The following TAOK1 variants were observed in gnomAD, a reference collection of about 807,000 sequenced individuals.
TAOK1 encodes the protein TAO kinase 1.
A neutral mutation model predicts 138.3 loss-of-function variants in TAOK1; 21 were observed. The observed-to-expected ratio is 0.15, with a 90% CI of 0.11 to 0.22. The LOEUF (loss-of-function observed/expected upper bound fraction) is 0.22. Ranked by LOEUF, TAOK1 falls within the 10% of genes least tolerant of loss-of-function variation. The pLI is 1.00. For missense variants in TAOK1, 651 were observed against 1,227.7 expected (o/e 0.53, Z 7.02); for synonymous variants, 361 against 398.4 (o/e 0.91, Z 1.12).
intron 2 of TAOK1, among the ~76,000 whole-genome samples, chr17:29,461,406 A>T (rs1216368048): frequency 2.0e-5 from 3 of 152,194 alleles, no homozygotes; most frequent in Non-Finnish European, 4.4e-5. Flanking sequence ...AATAATGATA[A>T]CAAAAGGTAT....
intron 1 of TAOK1, among the ~76,000 whole-genome samples, chr17:29,393,192 TATTTC>T (rs1056460180): frequency 7.2e-5 from 11 of 152,196 alleles, no homozygotes. Context: ...TGTTGATAAT[TATTTC>T]ATATATACTA....
intron 1 of TAOK1, among the ~76,000 whole-genome samples, chr17:29,414,877 G>A (rs1905231689): frequency 6.6e-6 from 1 of 151,894 alleles, no homozygotes; most frequent in South Asian, 2.1e-4. Flanking sequence ...TTTTGTTTAT[G>A]GCTGAATAAT....
chr17:29,488,035 T>G (rs1220454507), intron 8 of TAOK1, among the ~76,000 whole-genome samples: 1 of 152,200 alleles, frequency 6.6e-6, no homozygotes, highest in Non-Finnish European at 1.5e-5. Flanking sequence ...ACTCTAATAA[T>G]AGGAAATGTC....
At chr17:29,449,222 G>A (rs770363833) in intron 1 of TAOK1, among the ~76,000 whole-genome samples, 14 of 151,924 alleles carry the variant, frequency 9.2e-5, no homozygotes, top group Non-Finnish European at 1.8e-4. Flanking sequence ...ATGGAATTTA[G>A]TTCAGCCTAC....
At chr17:29,452,533 TTTAA>T (rs1339042776) in intron 2 of TAOK1, among the ~76,000 whole-genome samples, 7 of 152,150 alleles carry the variant, frequency 4.6e-5, no homozygotes, top group African/African-American at 1.7e-4. Context: ...AATTTGCTGT[TTTAA>T]TTATTTTTTA....
intron 2 of TAOK1, among the ~76,000 whole-genome samples, chr17:29,461,285 C>T (rs1029302063): frequency 7.2e-5 from 11 of 152,042 alleles, no homozygotes; most frequent in East Asian, 3.8e-4. Flanking sequence ...TTTCTACATA[C>T]GGTAATTGTA....
chr17:29,391,371 T>G (rs1218316105), intron 1 of TAOK1, among the ~76,000 whole-genome samples: 3 of 152,074 alleles, frequency 2.0e-5, no homozygotes, highest in Non-Finnish European at 4.4e-5. Context: ...CCTCTTCTCC[T>G]TTGTAGTGTC....
intron 1 of TAOK1, among the ~76,000 whole-genome samples, chr17:29,417,629 C>G (rs534918315): frequency 6.6e-6 from 1 of 152,116 alleles, no homozygotes; most frequent in African/African-American, 2.4e-5. Context: ...GGGCCCCTTC[C>G]CTATAGTTTC....
chr17:29,541,914 G>T (rs1020702996), intron 19 of TAOK1, among the ~76,000 whole-genome samples: 2 of 149,914 alleles, frequency 1.3e-5, no homozygotes, highest in African/African-American at 4.9e-5. Context: ...TCGCTCTGTC[G>T]CCCAGGCTGG....
chr17:29,430,276 G>C (rs1258596490), intron 1 of TAOK1, among the ~76,000 whole-genome samples: 1 of 152,080 alleles, frequency 6.6e-6, no homozygotes, highest in Non-Finnish European at 1.5e-5. Flanking sequence ...AATCTTCTTG[G>C]GTTCAAATAC....
At position 29,482,302 on chromosome 17, in the gene TAOK1, T is replaced by C. The variant is rs2031080883; in HGVS notation, c.655+14T>C. The C allele has an allele frequency of 6.4e-7, 1 of 1,573,946 alleles. No individual in the cohort carries two copies. Among genetic ancestry groups the C allele is most frequent in the African/African-American group, 1.4e-5 (1 of 73,984 alleles). On this transcript the variant is annotated intron_variant, in intron 8 of 19. Coordinates refer to ENST00000261716, the MANE Select transcript of TAOK1 (RefSeq NM_020791.4). ...GTATTGAACTAGGTAAGCATTGTTC[T>C]TCATTACTATGGATTAAGTTTTGAT...
At chr17:29,486,524 T>C (rs1373562129) in intron 8 of TAOK1, among the ~76,000 whole-genome samples, 1 of 151,922 alleles carries the variant, frequency 6.6e-6, no homozygotes, top group Non-Finnish European at 1.5e-5. Context: ...TCCCAGCTAC[T>C]TGGGAGACTG....
intron 1 of TAOK1, among the ~76,000 whole-genome samples, chr17:29,439,257 C>T (rs1906136742): frequency 7.0e-6 from 1 of 143,622 alleles, no homozygotes; most frequent in Non-Finnish European, 1.5e-5. Context: ...GGCTGGAGTG[C>T]AGTGGGGTGA....
In TAOK1 at chr17:29,545,344, A is replaced by ATTCATAGAT. The variant is rs1381121522; in HGVS notation, c.*2323_*2331dup. 3 of 152,224 alleles carry ATTCATAGAT rather than the reference A, an allele frequency of 2.0e-5. No homozygotes were observed. Among genetic ancestry groups the ATTCATAGAT allele is most frequent in the Non-Finnish European group, 2.9e-5 (2 of 68,032 alleles). 9.4% of individuals were successfully genotyped at this position (152,224 alleles called of 1,614,324 possible). ...ATACAATTTGATACCCTTAAAAATT[A>ATTCATAGAT]TTCATAGATCTGGCTGCTCTGTACT... On this transcript the variant is annotated 3_prime_UTR_variant, in exon 20 of 20. Coordinates refer to ENST00000261716, the MANE Select transcript of TAOK1 (RefSeq NM_020791.4).
rs1190403501 is a variant in TAOK1, at chr17:29,549,410, A to T, written c.*6388A>T. 6.6e-6 allele frequency: 1 copy of T among 152,176 alleles called. No homozygotes were observed. The highest frequency in any genetic ancestry group is 6.5e-5 in the Admixed American group (1 of 15,268). 9.4% of individuals were successfully genotyped at this position (152,176 alleles called of 1,614,324 possible). Reference sequence around the variant, plus strand: ...GAAATGAGATACCAGTGTTAATGAAAAGTGTGTGCTCTTTGCTTTTGCATG... The same window carrying T: ...GAAATGAGATACCAGTGTTAATGAATAGTGTGTGCTCTTTGCTTTTGCATG... On this transcript the variant is annotated 3_prime_UTR_variant, in exon 20 of 20. Coordinates refer to ENST00000261716, the MANE Select transcript of TAOK1 (RefSeq NM_020791.4).
intron 1 of TAOK1, chr17:29,445,380 A>AT (rs1249454348): frequency 1.3e-5 from 2 of 152,384 alleles, no homozygotes; most frequent in East Asian, 1.9e-4. Flanking sequence ...ATTTTAGCAT[A>AT]TGTGCTGCCC....
chr17:29,502,582 TTC>T lies in TAOK1; in HGVS notation c.1204-6_1204-5del. ...TACATAATATTGTCTTTTTTTTTTT[TTC>T]CTAGGAGGAAGAAAATTACAGAGAA... On this transcript the variant is annotated splice_region_variant and splice_polypyrimidine_tract_variant and intron_variant, in intron 12 of 19. Transcript: ENST00000261716. 6.2e-7 allele frequency: 1 copy of T among 1,600,490 alleles called. No homozygotes were observed.
chr17:29,530,380 C>A, intron 17 of TAOK1, 27 bp from the exon 18 acceptor site: 3 of 1,598,760 alleles, frequency 1.9e-6, no homozygotes, highest in Non-Finnish European at 2.6e-6. Context: ...TTACAACTTA[C>A]ATAAATGTAT....
chr17:29,398,063 C>T (rs924435064), intron 1 of TAOK1, among the ~76,000 whole-genome samples: 2 of 151,952 alleles, frequency 1.3e-5, no homozygotes, highest in African/African-American at 4.8e-5. Context: ...GAAACGGGGT[C>T]TCTATGTTGC....
Sources: allele counts gnomAD v4.1 joint callset (sites outside exome capture counted in the v4.1 genomes callset), GRCh38; gene constraint gnomAD v4.1.1; transcripts MANE v1.5; gene names NCBI Gene and HGNC (gene_info 2026-07-23, HGNC 2026-07-21).